Variants in U2AF2 observed in about 807,000 individuals in gnomAD.
The protein encoded by U2AF2 is U2 small nuclear RNA auxiliary factor 2.
Under a neutral mutation model 52.6 loss-of-function variants are expected in U2AF2, and 6 were observed. That is an observed-to-expected ratio of 0.11 (90% CI 0.06 to 0.23). U2AF2 has a LOEUF of 0.23. U2AF2 is among the 10% of genes least tolerant of loss of function. The pLI is 1.00. For synonymous variants in U2AF2, 284 were observed against 258.2 expected (o/e 1.10, Z -0.96); for missense variants, 222 against 677.1 (o/e 0.33, Z 7.46).
Position 55,673,979 on chromosome 19 carries a change from C to A in U2AF2, c.1339C>A (p.Gln447Lys). Residue 447 changes from glutamine (Q) to lysine (K), a missense_variant, in exon 12 of 12, where the codon CAG (glutamine) becomes AAG (lysine). Coordinates refer to ENST00000308924, the MANE Select transcript of U2AF2 (RefSeq NM_007279.3). The stretch of plus-strand genomic sequence containing the variant: ...TGTGTTTGACTGCCAGAAAGCCATG[C>A]AGGGCCTGACGGGCCGCAAGTTCGC... ...TSVFDCQKAM[Q>K]GLTGRKFANR... 1.2e-6 allele frequency: 2 copies of A among 1,614,004 alleles called. No individual in the cohort carries two copies. Among genetic ancestry groups the A allele is most frequent in the Non-Finnish European group, 1.7e-6 (2 of 1,179,928 alleles).
chr19:55,662,858 C>T (rs937921588), intron 6 of U2AF2, among the ~76,000 whole-genome samples: 2 of 152,106 alleles, frequency 1.3e-5, no homozygotes, highest in African/African-American at 4.8e-5. Context: ...CCTCTTTGGC[C>T]TTTTCCAGAC....
At chr19:55,665,223 C>G (rs544188526) in intron 7 of U2AF2, among the ~76,000 whole-genome samples, 1 of 152,228 alleles carries the variant, frequency 6.6e-6, no homozygotes, top group African/African-American at 2.4e-5. Context: ...CCGCCACTTG[C>G]TGGTGCTTAG....
rs1985128511 is a variant in U2AF2 at position 55,674,167 on chromosome 19, C to T, written c.*99C>T. ...CTGAAGACGATGGGCAGAGGAGTGA[C>T]AGCCGCAGACACACGACAGCCGGCA... On this transcript the variant is annotated 3_prime_UTR_variant, in exon 12 of 12. Transcript: ENST00000308924. 8.4e-7 allele frequency: 1 copy of T among 1,193,494 alleles called. No individual in the cohort carries two copies. The highest frequency in any genetic ancestry group is 1.1e-6 in the Non-Finnish European group (1 of 924,656). 73.9% of individuals were successfully genotyped at this position (1,193,494 alleles called of 1,614,324 possible). A position where few individuals can be genotyped will look rare whatever the true frequency, so the allele number is the denominator to read the frequency against.
chr19:55,660,144 C>A, intron 2 of U2AF2, 33 bp from the exon 3 acceptor site: 1 of 1,585,280 alleles, frequency 6.3e-7, no homozygotes, highest in Non-Finnish European at 8.6e-7. Context: ...TCCCCAGTCA[C>A]CCCTCCCCAT....
intron 3 of U2AF2, 112 bp downstream of exon 3, chr19:55,660,333 TC>T: frequency 7.7e-7 from 1 of 1,297,200 alleles, no homozygotes; most frequent in Non-Finnish European, 1.1e-6. Flanking sequence ...CTGGGAAGAG[TC>T]CACTTACCTT....
chr19:55,657,525 T>G (rs768467253), intron 1 of U2AF2, among the ~76,000 whole-genome samples: 20 of 152,310 alleles, frequency 1.3e-4, no homozygotes, highest in Non-Finnish European at 2.6e-4. Flanking sequence ...CTTGCCTGTT[T>G]CAGAGCCTTA....
At chr19:55,666,835 C>G (rs1984579246) in intron 7 of U2AF2, among the ~76,000 whole-genome samples, 2 of 152,232 alleles carry the variant, frequency 1.3e-5, no homozygotes, top group Admixed American at 6.5e-5. Context: ...TTCCTTGGAC[C>G]CAGGCAGAGC....
rs955896326 is a variant in U2AF2 at position 55,661,259 on chromosome 19, C to T, written c.486+70C>T. On this transcript the variant is annotated intron_variant, in intron 5 of 11. Coordinates refer to ENST00000308924, the MANE Select transcript of U2AF2 (RefSeq NM_007279.3). ...CCCGTTCCTCCCCTTCCCTCCATTC[C>T]CTTTCCCCAACCTGCACGGGTCAGA... is the stretch of plus-strand genomic sequence containing the variant. 6 of 1,408,646 alleles carry T rather than the reference C, an allele frequency of 4.3e-6. No individual in the cohort carries two copies. In the African/African-American group the frequency reaches 7.2e-5, roughly 17 times the overall value. 87.3% of individuals were successfully genotyped at this position (1,408,646 alleles called of 1,614,324 possible).
intron 2 of U2AF2, among the ~76,000 whole-genome samples, chr19:55,659,898 G>A (rs1984055639): frequency 6.6e-6 from 1 of 152,140 alleles, no homozygotes; most frequent in African/African-American, 2.4e-5. Context: ...AGGAAGGGCA[G>A]GATAGGCGGA....
intron 11 of U2AF2, among the ~76,000 whole-genome samples, chr19:55,670,346 C>T (rs984557262): frequency 2.0e-5 from 3 of 151,294 alleles, no homozygotes; most frequent in African/African-American, 7.3e-5. Flanking sequence ...CTTTGATCCC[C>T]TTGCTGGGTG....
intron 2 of U2AF2, 31 bp downstream of exon 2, chr19:55,659,376 C>G: frequency 6.9e-7 from 1 of 1,455,374 alleles, no homozygotes; most frequent in Non-Finnish European, 9.1e-7. Flanking sequence ...CCTGGGCCAG[C>G]CTGGGAGTCG....
chr19:55,664,966 C>T (rs1015475114), intron 7 of U2AF2, among the ~76,000 whole-genome samples: 1 of 152,156 alleles, frequency 6.6e-6, no homozygotes, highest in African/African-American at 2.4e-5. Context: ...GATCCGCTCA[C>T]CTCAGTCTCC....
At chr19:55,660,970 G>A (rs1984150225) in intron 4 of U2AF2, 68 bp from the exon 5 acceptor site, 2 of 1,508,630 alleles carry the variant, frequency 1.3e-6, no homozygotes, top group African/African-American at 2.8e-5. Flanking sequence ...AACTCCCAGT[G>A]TGTGGTGAGG....
In U2AF2 at chr19:55,668,821, C is replaced by A. The variant is rs543800537; in HGVS notation, c.945+29C>A. The A allele has an allele frequency of 9.4e-6, 15 of 1,599,270 alleles. No homozygotes were observed. In the South Asian group the frequency reaches 1.7e-4, roughly 18 times the overall value. On this transcript the variant is annotated intron_variant, in intron 9 of 11. Transcript: ENST00000308924. This position sits in a 1 kb window ranked among gnomAD's most constrained non-coding sequence, Gnocchi z 5.5. Reference sequence around the variant, plus strand: ...AGTCCCCGGTCGCTGGCCGCTGCCGCGTCTGTCCTTCCCTGCCCTGCGCTG... The same window carrying A: ...AGTCCCCGGTCGCTGGCCGCTGCCGAGTCTGTCCTTCCCTGCCCTGCGCTG...
intron 1 of U2AF2, among the ~76,000 whole-genome samples, chr19:55,658,144 T>C (rs2123671170): frequency 6.6e-6 from 1 of 152,282 alleles, no homozygotes; most frequent in Middle Eastern, 3.4e-3. Flanking sequence ...TTTCCTCCTC[T>C]TGTCCCCAGG....
intron 1 of U2AF2, among the ~76,000 whole-genome samples, chr19:55,657,583 G>A (rs557543847): frequency 2.0e-5 from 3 of 152,306 alleles, no homozygotes; most frequent in African/African-American, 4.8e-5. Flanking sequence ...TCTTATAAGC[G>A]AGGAGCTGTG....
chr19:55,659,821 A>G (rs528061658), intron 2 of U2AF2, among the ~76,000 whole-genome samples: 11 of 152,080 alleles, frequency 7.2e-5, no homozygotes, highest in African/African-American at 2.7e-4. Flanking sequence ...TTTTTGGCCC[A>G]GGGGTGTCGG....
chr19:55,655,349 C>T (rs1012615439), intron 1 of U2AF2, among the ~76,000 whole-genome samples, 196 bp downstream of exon 1: 24 of 152,252 alleles, frequency 1.6e-4, no homozygotes, highest in African/African-American at 4.6e-4. Flanking sequence ...AAGGGGGCGG[C>T]GGGGCGCGGG....
At position 55,657,339 on chromosome 19, in the gene U2AF2, C is replaced by G. The variant is rs141457916; in HGVS notation, c.50-1871C>G. On this transcript the variant is annotated intron_variant, in intron 1 of 11. Transcript: ENST00000308924. ...GTTCTTGCCATAGGGGAAGCTCTGC[C>G]CGCGTGTCACTGCCTGTAGTCTTTG... Among the ~76,000 whole-genome samples, 103 of 152,206 alleles carry G rather than the reference C, an allele frequency of 6.8e-4. No individual in the cohort carries two copies. In the South Asian group the frequency reaches 0.011, roughly 16 times the overall value.
Sources: allele counts gnomAD v4.1 joint callset (sites outside exome capture counted in the v4.1 genomes callset), GRCh38; gene constraint gnomAD v4.1.1; non-coding constraint Gnocchi (gnomAD v3.1); transcripts MANE v1.5; gene names NCBI Gene and HGNC (gene_info 2026-07-23, HGNC 2026-07-21).